GRM5: variants seen among roughly 807,000 people sequenced by gnomAD.
GRM5 encodes the protein metabotropic glutamate receptor 5.
A neutral mutation model predicts 83.1 loss-of-function variants in GRM5; 19 were observed. That is an observed-to-expected ratio of 0.23 (90% CI 0.16 to 0.34). The LOEUF (loss-of-function observed/expected upper bound fraction) is 0.34. Among genes scored for constraint, GRM5 ranks in the 10% least tolerant of loss-of-function variants. The pLI, the probability that GRM5 is intolerant of heterozygous loss-of-function variation, is 1.00. For synonymous variants in GRM5, 675 were observed against 633.6 expected (o/e 1.07, Z -0.98); for missense variants, 1,160 against 1,588.3 (o/e 0.73, Z 4.58).
At chr11:89,021,606 C>G (rs193215934) in intron 2 of GRM5, among the ~76,000 whole-genome samples, 1 of 152,118 alleles carries the variant, frequency 6.6e-6, no homozygotes, top group African/African-American at 2.4e-5. Context: ...CTCAAATTCC[C>G]GTGATCCCTT....
At chr11:88,841,490 C>T (rs1299313530) in intron 3 of GRM5, among the ~76,000 whole-genome samples, 4 of 152,174 alleles carry the variant, frequency 2.6e-5, no homozygotes, top group African/African-American at 9.7e-5. Flanking sequence ...CCCAATCATA[C>T]ACCTACATAA....
chr11:88,588,166 T>C (rs935062756), intron 7 of GRM5, among the ~76,000 whole-genome samples: 2 of 152,208 alleles, frequency 1.3e-5, no homozygotes, highest in Admixed American at 6.5e-5. Flanking sequence ...GCTTGCTGTC[T>C]CCTTTGTTGT....
intron 3 of GRM5, among the ~76,000 whole-genome samples, chr11:88,695,598 A>C (rs1442120671): frequency 1.3e-5 from 2 of 152,228 alleles, no homozygotes; most frequent in East Asian, 1.9e-4. Flanking sequence ...GACTTAGATT[A>C]AATTCACTTT....
intron 3 of GRM5, among the ~76,000 whole-genome samples, chr11:88,660,117 G>T (rs549022845): frequency 3.3e-5 from 5 of 152,168 alleles, no homozygotes; most frequent in African/African-American, 1.2e-4. Flanking sequence ...GGCATGACCT[G>T]CCTGAATGGG....
chr11:88,921,395 G>A (rs1352334517), intron 2 of GRM5, among the ~76,000 whole-genome samples: 10 of 152,152 alleles, frequency 6.6e-5, no homozygotes, highest in South Asian at 4.1e-4. Context: ...AGGCCGAGGC[G>A]GACAGATCAC....
chr11:88,617,767 C>A (rs1312175942), intron 4 of GRM5, among the ~76,000 whole-genome samples: 1 of 152,112 alleles, frequency 6.6e-6, no homozygotes, highest in African/African-American at 2.4e-5. Flanking sequence ...TTTCTCTAGC[C>A]TTTCCCCACT....
At position 88,567,869 on chromosome 11, in the gene GRM5, C is replaced by T. The variant is rs199784345; in HGVS notation, c.1814G>A (p.Arg605His). 11 of 1,613,620 alleles carry T rather than the reference C, an allele frequency of 6.8e-6. No homozygotes were observed. The highest frequency in any genetic ancestry group is 2.2e-5 in the East Asian group (1 of 44,892). ...LFVTVVFIIY[R>H]DTPVVKSSSR... Reference sequence around the variant, plus strand: ...TGAGGACTTGACTACTGGTGTATCACGGTAAATGATGAAGACTACAGTAAC... The same window carrying T: ...TGAGGACTTGACTACTGGTGTATCATGGTAAATGATGAAGACTACAGTAAC... The change falls in exon 8 of 10, where the codon CGT (arginine) becomes CAT (histidine). Residue 605 changes from arginine (R) to histidine (H), a missense_variant. Arg to His is a conservative substitution (Grantham distance 29). This residue lies in a region of GRM5 where 132 missense variants were observed against 245.5 expected (regional missense o/e 0.54). Transcript: ENST00000305447. This position sits in a 1 kb window ranked among gnomAD's most constrained non-coding sequence, Gnocchi z 7.3.
At chr11:88,636,523 C>CAA (rs201123437) in intron 4 of GRM5, among the ~76,000 whole-genome samples, 1 of 139,376 alleles carries the variant, frequency 7.2e-6, no homozygotes, top group Admixed American at 7.1e-5. Context: ...GAGACTGTCT[C>CAA]AAAAAAAAAA....
In GRM5 at chr11:88,507,763, T is replaced by C. The variant is rs1314600473; in HGVS notation, c.*829A>G. 6.6e-6 allele frequency: 1 copy of C among 152,628 alleles called. No individual in the cohort carries two copies. Among genetic ancestry groups the C allele is most frequent in the Non-Finnish European group, 1.5e-5 (1 of 68,040 alleles). 9.5% of individuals were successfully genotyped at this position (152,628 alleles called of 1,614,324 possible). On this transcript the variant is annotated 3_prime_UTR_variant, in exon 10 of 10. Transcript: ENST00000305447. Reference sequence around the variant, plus strand: ...GCTACAATGCACCCCAGTGAGGGAATTACAAAACAGTATTCCAGAAAATAT... The same window carrying C: ...GCTACAATGCACCCCAGTGAGGGAACTACAAAACAGTATTCCAGAAAATAT...
At chr11:88,882,960 G>C (rs1038991916) in intron 2 of GRM5, among the ~76,000 whole-genome samples, 4 of 152,078 alleles carry the variant, frequency 2.6e-5, no homozygotes, top group African/African-American at 9.7e-5. Flanking sequence ...TCTCTCTCCT[G>C]CCTGCCAACA....
intron 1 of GRM5, among the ~76,000 whole-genome samples, chr11:89,060,612 T>C (rs543933561): frequency 1.6e-4 from 24 of 152,080 alleles, no homozygotes; most frequent in Non-Finnish European, 2.6e-4. Flanking sequence ...CAGGGATGAG[T>C]CTGCACCAAG....
At chr11:88,933,187 ATTTTTTT>A (rs57318577) in intron 2 of GRM5, among the ~76,000 whole-genome samples, 1 of 106,298 alleles carries the variant, frequency 9.4e-6, no homozygotes, top group African/African-American at 3.6e-5. Context: ...TATTTGGGGC[ATTTTTTT>A]TTTTTTTTTT....
intron 2 of GRM5, among the ~76,000 whole-genome samples, chr11:88,878,565 A>G (rs947659557): frequency 6.6e-6 from 1 of 152,172 alleles, no homozygotes; most frequent in African/African-American, 2.4e-5. Flanking sequence ...GGAGAAAGAT[A>G]TTCTCACACA....
intron 3 of GRM5, among the ~76,000 whole-genome samples, chr11:88,703,533 T>G (rs544961588): frequency 6.6e-6 from 1 of 152,178 alleles, no homozygotes; most frequent in African/African-American, 2.4e-5. Context: ...CAATATGGGT[T>G]GGGTCTGTGT....
chr11:88,630,220 T>A (rs760667174), intron 4 of GRM5, among the ~76,000 whole-genome samples: 3 of 152,152 alleles, frequency 2.0e-5, no homozygotes, highest in Non-Finnish European at 4.4e-5. Flanking sequence ...TAATATAGTA[T>A]ATATTTCACT....
chr11:88,728,990 C>T (rs757300587), intron 3 of GRM5, among the ~76,000 whole-genome samples: 3 of 152,116 alleles, frequency 2.0e-5, no homozygotes, highest in Non-Finnish European at 4.4e-5. Context: ...TCTCACCACT[C>T]CTATTCAACA....
At chr11:88,766,874 A>C (rs1326603653) in intron 3 of GRM5, among the ~76,000 whole-genome samples, 6 of 152,066 alleles carry the variant, frequency 3.9e-5, no homozygotes, top group Non-Finnish European at 8.8e-5. Context: ...AAACAACCCC[A>C]TTAAAAAATG....
In GRM5 at chr11:88,508,965, A is replaced by T; in HGVS notation, c.3266T>A (p.Val1089Asp). ...GTAGGACGAGCAGAGCGGGGCGCCG[A>T]CGCCGGGGCTGGGGGCCGCGGTGGA... ...MLSTAAPSPG[V>D]GAPLCSSYLI... is the part of the protein sequence containing the mutation. The change falls in exon 10 of 10, where the codon GTC becomes GAC. Residue 1089 changes from valine (V) to aspartate (D), a missense_variant. Physicochemically the swap from Val to Asp is radical, Grantham distance 152 (BLOSUM62 -3). Coordinates refer to ENST00000305447, the MANE Select transcript of GRM5 (RefSeq NM_001143831.3). This position sits in a 1 kb window ranked among gnomAD's most constrained non-coding sequence, Gnocchi z 4.2. 3 of 1,589,884 alleles carry T rather than the reference A, an allele frequency of 1.9e-6. No homozygotes were observed. The highest frequency in any genetic ancestry group is 1.1e-5 in the South Asian group (1 of 87,194).
chr11:88,605,241 C>A (rs932938881), intron 4 of GRM5, among the ~76,000 whole-genome samples: 2 of 151,996 alleles, frequency 1.3e-5, no homozygotes, highest in African/African-American at 4.8e-5. Context: ...AGTATGAATG[C>A]AGGATAGAAC....
Sources: gnomAD v4.1 joint callset for allele counts (sites outside exome capture counted in the v4.1 genomes callset) on GRCh38, gnomAD v4.1.1 for gene constraint, gnomAD v4.1.1 regional missense constraint, Gnocchi (gnomAD v3.1) non-coding constraint, MANE v1.5 for transcripts, NCBI Gene and HGNC (gene_info 2026-07-23, HGNC 2026-07-21) for gene names.